ILDR1: variants seen among roughly 807,000 people sequenced by gnomAD.
The protein encoded by ILDR1 is immunoglobulin like domain containing receptor 1.
ILDR1 carries 56 observed loss-of-function variants against 62.4 expected under a neutral mutation model. The observed-to-expected ratio is 0.90, with a 90% CI of 0.72 to 1.12. The LOEUF (loss-of-function observed/expected upper bound fraction) is 1.12, where lower values mean the gene tolerates loss of function less well. Ranked by LOEUF, ILDR1 falls within the 50% of genes most tolerant of loss-of-function variation. The pLI, the probability that ILDR1 is intolerant of heterozygous loss-of-function variation, is 0.00. For synonymous variants in ILDR1, 284 were observed against 277.8 expected, an observed-to-expected ratio of 1.02 and a Z score of -0.22; for missense variants, 736 against 710.6, an observed-to-expected ratio of 1.04 and a Z score of -0.41.
In ILDR1 at chr3:121,993,458, G is replaced by A. The variant is rs376510686; in HGVS notation, c.1291C>T (p.Arg431Cys). ...AAAGGAGGGTGGCTCGGCCGCCAGC[G>A]TGCCTCACTGGATGAGGGGACATCG... ...LSDVPSSSEA[R>C]WRPSHPPFRS... Residue 431 changes from arginine (R) to cysteine (C), a missense_variant, in exon 7 of 8, where the codon CGC (arginine) becomes TGC (cysteine). Coordinates refer to ENST00000344209, the MANE Select transcript of ILDR1 (RefSeq NM_001199799.2). 4.7e-5 allele frequency: 76 copies of A among 1,614,006 alleles called. No homozygotes were observed. Among genetic ancestry groups the A allele is most frequent in the Middle Eastern group, 1.7e-4 (1 of 6,060 alleles).
In ILDR1 at chr3:121,988,156, T is replaced by G; in HGVS notation, c.*211A>C. 1 of 647,102 alleles carries G rather than the reference T, an allele frequency of 1.5e-6. No individual in the cohort carries two copies. The highest frequency in any genetic ancestry group is 2.9e-6 in the Non-Finnish European group (1 of 349,600). 40.1% of individuals were successfully genotyped at this position (647,102 alleles called of 1,614,324 possible). On this transcript the variant is annotated 3_prime_UTR_variant, in exon 8 of 8. Coordinates refer to ENST00000344209, the MANE Select transcript of ILDR1 (RefSeq NM_001199799.2). The stretch of plus-strand genomic sequence containing the variant: ...TTGAACTCCTAGTCTCAAGTGATTC[T>G]TAGCCTCCCAAAGTGCTGTGATTAC...
At chr3:121,997,832 G>A (rs1428640618) in intron 5 of ILDR1, among the ~76,000 whole-genome samples, 1 of 152,214 alleles carries the variant, frequency 6.6e-6, no homozygotes, top group East Asian at 1.9e-4. Context: ...TTTCAAAAAT[G>A]TCTATCTTTA....
At chr3:122,045,683 A>G in the ILDR1 span, among the ~76,000 whole-genome samples, 1 of 151,578 alleles carries the variant, frequency 6.6e-6, no homozygotes, top group Non-Finnish European at 1.5e-5. Flanking sequence ...TGGCCTTCTT[A>G]GTCTCTTTTG....
upstream of ILDR1, among the ~76,000 whole-genome samples, chr3:122,027,186 A>AT (rs908393442): frequency 9.9e-5 from 15 of 151,930 alleles, no homozygotes; most frequent in East Asian, 2.9e-3. Context: ...CAATGAAAAC[A>AT]TTTTTTTTGT....
the ILDR1 span, among the ~76,000 whole-genome samples, chr3:122,039,239 A>G: frequency 2.6e-5 from 4 of 152,112 alleles, no homozygotes; most frequent in African/African-American, 7.2e-5. Context: ...CTCCAACCAC[A>G]GGTCTAAGAA....
chr3:122,036,909 C>G, the ILDR1 span, among the ~76,000 whole-genome samples: 13 of 152,358 alleles, frequency 8.5e-5, no homozygotes, highest in African/African-American at 3.1e-4. Context: ...GCTGCTCCAG[C>G]TCCAGCCATG....
intron 7 of ILDR1, among the ~76,000 whole-genome samples, chr3:121,992,499 A>G (rs71329249): frequency 0.24 from 36,078 of 152,198 alleles, 4,949 homozygotes; most frequent in Admixed American, 0.38. Context: ...TAGGGGCCCT[A>G]AAGGCCTACT....
At chr3:122,042,012 C>G in the ILDR1 span, among the ~76,000 whole-genome samples, 1 of 134,660 alleles carries the variant, frequency 7.4e-6, no homozygotes, top group African/African-American at 2.8e-5. Flanking sequence ...GTGCGCTGCA[C>G]CCACTAACTC....
chr3:122,036,963 G>A, the ILDR1 span, among the ~76,000 whole-genome samples: 5 of 152,358 alleles, frequency 3.3e-5, no homozygotes, highest in East Asian at 7.7e-4. Flanking sequence ...GCTTCAGAGG[G>A]TGCAAGCCCC....
the ILDR1 span, chr3:122,055,396 G>T: frequency 7.8e-7 from 1 of 1,280,910 alleles, no homozygotes; most frequent in South Asian, 1.2e-5. Flanking sequence ...CAGGGTGAAA[G>T]CTTTGCTTCT....
the ILDR1 span, among the ~76,000 whole-genome samples, chr3:122,042,664 C>A: frequency 6.6e-5 from 10 of 152,022 alleles, no homozygotes; most frequent in South Asian, 4.2e-4. Flanking sequence ...TCTCTGATGG[C>A]CAGTGATGAT....
Position 121,993,809 on chromosome 3 carries a change from A to G in ILDR1, c.940T>C (p.Cys314Arg). Reference sequence around the variant, plus strand: ...GAGCCCAGGGAGGACAGCATGCTGCAGGGATGGCCAAATCTGCCTTTGAGG... The same window carrying G: ...GAGCCCAGGGAGGACAGCATGCTGCGGGGATGGCCAAATCTGCCTTTGAGG... ...PDLKGRFGHPCSMLSSLGSEV... is the reference protein window; with the variant it reads ...PDLKGRFGHPRSMLSSLGSEV... The change falls in exon 7 of 8, where the codon TGC becomes CGC. Residue 314 changes from cysteine to arginine, a missense_variant. Transcript: ENST00000344209. 1 of 1,614,168 alleles carries G rather than the reference A, an allele frequency of 6.2e-7. No individual in the cohort carries two copies. Among genetic ancestry groups the G allele is most frequent in the Non-Finnish European group, 8.5e-7 (1 of 1,180,038 alleles).
chr3:122,037,183 C>T, the ILDR1 span, among the ~76,000 whole-genome samples: 1 of 152,236 alleles, frequency 6.6e-6, no homozygotes, highest in Admixed American at 6.5e-5. Context: ...CACACAGAGT[C>T]CCCACTAGGG....
chr3:122,047,211 G>C, the ILDR1 span, among the ~76,000 whole-genome samples: 2 of 151,518 alleles, frequency 1.3e-5, no homozygotes, highest in Non-Finnish European at 2.9e-5. Context: ...GCTGGGGGGT[G>C]CCTCCCAGTT....
chr3:122,014,343 GT>G (rs573571130), intron 1 of ILDR1, among the ~76,000 whole-genome samples: 238 of 151,598 alleles, frequency 1.6e-3, no homozygotes, highest in African/African-American at 5.7e-3. Context: ...TTCCTATGTT[GT>G]TTTTTTTAAA....
At chr3:121,996,326 T>C (rs559553925) in intron 5 of ILDR1, among the ~76,000 whole-genome samples, 13 of 152,242 alleles carry the variant, frequency 8.5e-5, no homozygotes, top group South Asian at 2.1e-4. Flanking sequence ...GTTTCTGACA[T>C]TTCCCTGAGT....
chr3:122,008,593 C>CTTTTTTTTT (rs10546593), intron 1 of ILDR1, among the ~76,000 whole-genome samples: 1 of 80,114 alleles, frequency 1.2e-5, no homozygotes, highest in Non-Finnish European at 2.9e-5. Flanking sequence ...CTTTTCTTTT[C>CTTTTTTTTT]TTTTTTTTTT....
the ILDR1 span, among the ~76,000 whole-genome samples, chr3:122,030,568 GTT>G: frequency 6.6e-6 from 1 of 150,978 alleles, no homozygotes; most frequent in African/African-American, 2.4e-5. Context: ...GGTTTTAATG[GTT>G]TCCCTTTCAT....
At chr3:122,001,974 A>G in intron 3 of ILDR1, 110 bp from the exon 4 acceptor site, 1 of 1,246,012 alleles carries the variant, frequency 8.0e-7, no homozygotes. Flanking sequence ...TATTTACAAA[A>G]AATAATAAAA....
Sources: allele counts gnomAD v4.1 joint callset (sites outside exome capture counted in the v4.1 genomes callset), GRCh38; gene constraint gnomAD v4.1.1; transcripts MANE v1.5; gene names NCBI Gene and HGNC (gene_info 2026-07-23, HGNC 2026-07-21).